Variants in CEP72 observed in about 807,000 individuals in gnomAD.
CEP72 encodes the protein centrosomal protein of 72 kDa.
CEP72 carries 78 observed loss-of-function variants against 65.7 expected under a neutral mutation model. The observed-to-expected ratio is 1.19, with a 90% CI of 0.99 to 1.43. CEP72 has a LOEUF of 1.43. CEP72 is among the 40% of genes most tolerant of loss of function. The probability of loss-of-function intolerance (pLI) is 0.00; values close to 1 mark genes in which losing one functional copy is unlikely to be tolerated. For synonymous variants in CEP72, 358 were observed against 351.7 expected (o/e 1.02, Z -0.20); for missense variants, 914 against 832.9 (o/e 1.10, Z -1.20).
chr5:671,320 G>A (rs1463287158), downstream of CEP72, among the ~76,000 whole-genome samples: 1 of 152,168 alleles, frequency 6.6e-6, no homozygotes, highest in African/African-American at 2.4e-5. Context: ...TTGGTGGGAC[G>A]TGGACTTGGG....
rs1739215460 is a variant in CEP72, at chr5:653,077, G to A, written c.1868G>A (p.Ser623Asn). The A allele has an allele frequency of 1.2e-6, 2 of 1,613,846 alleles. No individual in the cohort carries two copies. The highest frequency in any genetic ancestry group is 3.3e-5 in the Admixed American group (2 of 60,020). Residue 623 changes from serine (S) to asparagine (N), a missense_variant, in exon 12 of 12, where the codon AGC becomes AAC. By Grantham distance (46) the Ser-to-Asn change is conservative. Coordinates refer to ENST00000264935, the MANE Select transcript of CEP72 (RefSeq NM_018140.4). The stretch of plus-strand genomic sequence containing the variant: ...GCCGAGGTGGAGCAGATGCACTGGA[G>A]CTACCAGGAGCTCAAGAAGACCATG... ...HRAEVEQMHW[S>N]YQELKKTMAL...
Position 638,431 on chromosome 5 carries a change from G to A in CEP72, c.1206+613G>A, listed in dbSNP as rs140161870. Reference sequence around the variant, plus strand: ...ACCACCCAGAAGGGAACAGGCAGGGGCTGTTCACTTGGTACTTGCCACAAC... The same window carrying A: ...ACCACCCAGAAGGGAACAGGCAGGGACTGTTCACTTGGTACTTGCCACAAC... On this transcript the variant is annotated intron_variant, in intron 7 of 11. Transcript: ENST00000264935. Among the ~76,000 whole-genome samples the A allele has an allele frequency of 5.0e-3, 763 of 152,208 alleles. 8 individuals carry two copies. The highest frequency in any genetic ancestry group is 0.014 in the African/African-American group (592 of 41,518).
chr5:620,379 A>G (rs1455496665), intron 3 of CEP72, 118 bp downstream of exon 3: 2 of 904,894 alleles, frequency 2.2e-6, no homozygotes, highest in Non-Finnish European at 3.4e-6. Context: ...TGGAACGGGG[A>G]GTTGGTTTTC....
Position 653,273 on chromosome 5 carries a change from T to C in CEP72, c.*120T>C. 7.5e-6 allele frequency: 8 copies of C among 1,069,396 alleles called. No homozygotes were observed. The highest frequency in any genetic ancestry group is 8.9e-6 in the Non-Finnish European group (7 of 784,272). The allele number at this position is 1,069,396 out of a possible 1,614,324, so 66.2% of individuals were successfully genotyped here. A position where few individuals can be genotyped will look rare whatever the true frequency, so the allele number is the denominator to read the frequency against. The stretch of plus-strand genomic sequence containing the variant: ...GAGTTCTCTCTTCTGTTGGTAATTA[T>C]TTAGGATTTTTGGAATGTATTCAGG... On this transcript the variant is annotated 3_prime_UTR_variant, in exon 12 of 12. Coordinates refer to ENST00000264935, the MANE Select transcript of CEP72 (RefSeq NM_018140.4).
chr5:655,609 T>TG (rs1236173417), downstream of CEP72: 1 of 124,718 alleles, frequency 8.0e-6, no homozygotes, highest in Non-Finnish European at 1.7e-5. The surrounding 1 kb of genome is among the most constrained non-coding windows in gnomAD (Gnocchi z 5.0). Context: ...GTGGAGGGAG[T>TG]GGGGTGGTGG....
intron 1 of CEP72, among the ~76,000 whole-genome samples, chr5:617,466 G>A (rs561837807): frequency 1.3e-5 from 2 of 152,258 alleles, no homozygotes; most frequent in African/African-American, 2.4e-5. Flanking sequence ...TCAGGAGTTC[G>A]AGACCAGCCT....
downstream of CEP72, among the ~76,000 whole-genome samples, chr5:670,291 G>A (rs577678667): frequency 1.8e-4 from 28 of 152,298 alleles, no homozygotes; most frequent in South Asian, 5.6e-3. Context: ...CTGAGGGGCG[G>A]GGGCCGGCGG....
downstream of CEP72, among the ~76,000 whole-genome samples, chr5:654,013 G>A (rs866406176): frequency 6.1e-5 from 6 of 98,502 alleles, no homozygotes; most frequent in Admixed American, 2.0e-4. Context: ...TGTGTGTGCT[G>A]TGTGTGCGCT....
At chr5:650,057 T>G (rs865842360) in intron 11 of CEP72, among the ~76,000 whole-genome samples, 1 of 32,692 alleles carries the variant, frequency 3.1e-5, no homozygotes, top group Non-Finnish European at 5.6e-5. Context: ...GACTGTGAGG[T>G]GTGACTGTGA....
intron 9 of CEP72, 186 bp downstream of exon 9, chr5:640,790 G>T: frequency 1.0e-6 from 1 of 985,442 alleles, no homozygotes. Flanking sequence ...CTCACAACAG[G>T]CCTGGAGCAC....
chr5:670,914 C>T (rs1264415293), downstream of CEP72, among the ~76,000 whole-genome samples: 1 of 152,192 alleles, frequency 6.6e-6, no homozygotes, highest in Admixed American at 6.5e-5. Flanking sequence ...AGGGCTTCTC[C>T]CCTCATCTCA....
In CEP72 at chr5:612,617, C is replaced by G. The variant is rs549676896; in HGVS notation, c.82+174C>G. ...GCGTGTCCAGGTGAGCGACCCACCC[C>G]CCGTGCCCAGGTGCGGCCCCTGCCC... On this transcript the variant is annotated intron_variant, in intron 1 of 11. Transcript: ENST00000264935. 1.4e-5 allele frequency: 14 copies of G among 985,338 alleles called. No individual in the cohort carries two copies. The African/African-American group carries it at 2.3e-4, about 16-fold the overall frequency. The allele number at this position is 985,338 out of a possible 1,614,324, so 61.0% of individuals were successfully genotyped here.
intron 1 of CEP72, among the ~76,000 whole-genome samples, chr5:613,877 GTTA>G (rs1735833779): frequency 6.6e-6 from 1 of 152,198 alleles, no homozygotes; most frequent in Non-Finnish European, 1.5e-5. Context: ...TAATGTCCAG[GTTA>G]TTATCTGTAG....
chr5:618,717 G>A (rs928119894), intron 1 of CEP72, among the ~76,000 whole-genome samples: 12 of 152,170 alleles, frequency 7.9e-5, no homozygotes, highest in Non-Finnish European at 1.5e-4. Context: ...GGATTATTGC[G>A]AAAGAGAGGC....
intron 4 of CEP72, among the ~76,000 whole-genome samples, chr5:627,276 C>T (rs1347845243): frequency 2.0e-5 from 3 of 152,234 alleles, no homozygotes; most frequent in Admixed American, 6.5e-5. Flanking sequence ...AGATGTTCAT[C>T]ACATTCTTTT....
downstream of CEP72, among the ~76,000 whole-genome samples, chr5:669,605 C>T (rs961859333): frequency 1.3e-5 from 2 of 152,184 alleles, no homozygotes; most frequent in Admixed American, 6.5e-5. Context: ...CTGAGGCACG[C>T]AGCCCTTTCT....
downstream of CEP72, among the ~76,000 whole-genome samples, chr5:672,012 G>T (rs769860020): frequency 1.3e-5 from 2 of 152,220 alleles, no homozygotes; most frequent in African/African-American, 4.8e-5. Context: ...GTCACACACA[G>T]TGCTCTGAGG....
In CEP72 at chr5:638,512, C is replaced by T. The variant is rs552184334; in HGVS notation, c.1207-577C>T. On this transcript the variant is annotated intron_variant, in intron 7 of 11. Transcript: ENST00000264935. Reference sequence around the variant, plus strand: ...AGCTTGAAGGTGCGGAACTGTGGGACAGGAAGGGAGGCATGGCCGGAGCTA... The same window carrying T: ...AGCTTGAAGGTGCGGAACTGTGGGATAGGAAGGGAGGCATGGCCGGAGCTA... Among the ~76,000 whole-genome samples, 3 of 151,034 alleles carry T rather than the reference C, an allele frequency of 2.0e-5. No individual in the cohort carries two copies. The East Asian group carries it at 5.9e-4, about 30-fold the overall frequency.
At chr5:669,281 CCGGTG>C (rs1740096928), downstream of CEP72, among the ~76,000 whole-genome samples, 3 of 74,638 alleles carry the variant, frequency 4.0e-5, no homozygotes, top group South Asian at 5.5e-4. Context: ...GCTGGTGAGC[CCGGTG>C]AGCCGGAGGT....
Sources: gnomAD v4.1 joint callset for allele counts (sites outside exome capture counted in the v4.1 genomes callset) on GRCh38, gnomAD v4.1.1 for gene constraint, Gnocchi (gnomAD v3.1) non-coding constraint, MANE v1.5 for transcripts, NCBI Gene and HGNC (gene_info 2026-07-23, HGNC 2026-07-21) for gene names.